LMBRD2: variants seen among roughly 807,000 people sequenced by gnomAD.
LMBRD2 encodes LMBR1 domain containing 2.
LMBRD2 carries 55 observed loss-of-function variants against 94.4 expected under a neutral mutation model. That is an observed-to-expected ratio of 0.58 (90% CI 0.47 to 0.73). The LOEUF (loss-of-function observed/expected upper bound fraction) is 0.73, where lower values mean the gene tolerates loss of function less well. Among genes scored for constraint, LMBRD2 ranks in the 30% least tolerant of loss-of-function variants. The pLI is 0.00. For missense variants in LMBRD2, 640 were observed against 831.9 expected, an observed-to-expected ratio of 0.77 and a Z score of 2.84; for synonymous variants, 246 against 272.4, an observed-to-expected ratio of 0.90 and a Z score of 0.95.
chr5:36,146,558 G>C (rs541756036), intron 1 of LMBRD2, among the ~76,000 whole-genome samples: 1 of 152,112 alleles, frequency 6.6e-6, no homozygotes, highest in African/African-American at 2.4e-5. Context: ...AATTTTTTTT[G>C]TAGAGACAGG....
chr5:36,136,488 C>T lies in LMBRD2; in HGVS notation c.568G>A (p.Ala190Thr). Residue 190 changes from alanine to threonine, a missense_variant, in exon 6 of 18, where the codon GCA becomes ACA. Physicochemically the swap from Ala to Thr is moderately conservative, Grantham distance 58. Around this residue, in one of 2 missense-constraint regions of LMBRD2, gnomAD observed 457 missense variants for 642.8 expected, o/e 0.71. Coordinates refer to ENST00000296603, the MANE Select transcript of LMBRD2 (RefSeq NM_001007527.2). ...AGAAGAAACAGACCCCATGTATTTG[C>T]AGCAGCTATCCCAATTGTCTGAAGC... The part of the protein sequence containing the change: ...NQLQTIGIAA[A>T]NTWGLFLLVL... 6.2e-7 allele frequency: 1 copy of T among 1,614,032 alleles called. No individual in the cohort carries two copies. The highest frequency in any genetic ancestry group is 1.1e-5 in the South Asian group (1 of 91,084).
Position 36,115,015 on chromosome 5 carries a change from A to G in LMBRD2, c.1542T>C (p.Ser514=), listed in dbSNP as rs759322132. 1.3e-6 allele frequency: 2 copies of G among 1,554,862 alleles called. No individual in the cohort carries two copies. Among genetic ancestry groups the G allele is most frequent in the South Asian group, 2.2e-5 (2 of 89,018 alleles). ...HKNTQPTAYT[S]IMGSMKVLSF... The stretch of plus-strand genomic sequence containing the variant: ...AATTCTATTTTCTGACCGTACTTAC[A>G]GATGTATAAGCAGTTGGTTGAGTAT... Residue 514 remains serine (S), a splice_region_variant and synonymous_variant, in exon 12 of 18, where the codon TCT becomes TCC. Transcript: ENST00000296603.
chr5:36,143,065 T>C (rs1484271668), intron 2 of LMBRD2, 111 bp downstream of exon 2: 1 of 813,370 alleles, frequency 1.2e-6, no homozygotes, highest in Non-Finnish European at 1.9e-6. Context: ...CATATAATCT[T>C]TTAATTCAAA....
rs1744045027 is a variant in LMBRD2 at position 36,127,986 on chromosome 5, C to T, written c.748-3721G>A. On this transcript the variant is annotated intron_variant, in intron 6 of 17. Transcript: ENST00000296603. ...TGATAACTTCAGGTCTAACTCAGTG[C>T]AGTCCCAGTGATGGTGACCACAGGG... Among the ~76,000 whole-genome samples, 2 of 152,300 alleles carry T rather than the reference C, an allele frequency of 1.3e-5. 1 individual carries two copies. Among genetic ancestry groups the T allele is most frequent in the South Asian group, 4.1e-4 (2 of 4,832 alleles).
chr5:36,114,183 A>G (rs1743684340), intron 13 of LMBRD2, among the ~76,000 whole-genome samples: 1 of 152,148 alleles, frequency 6.6e-6, no homozygotes, highest in South Asian at 2.1e-4. Context: ...GCCTAAATAG[A>G]ATAATGTTAA....
rs1372156238 is a variant in LMBRD2 at position 36,143,202 on chromosome 5, A to T, written c.148T>A (p.Phe50Ile). The change falls in exon 2 of 18, where the codon TTC becomes ATC. Residue 50 changes from phenylalanine (F) to isoleucine (I), a missense_variant. Physicochemically the swap from Phe to Ile is conservative, Grantham distance 21. Transcript: ENST00000296603. ...GTACTAACATCCAGAGGCAGTATGA[A>T]GACAATAAGAAAGCAGAGATACCAA... Reference protein sequence around the residue: ...LAWYLCFLIVFILPLDVSTTI... With the variant: ...LAWYLCFLIVIILPLDVSTTI... The T allele has an allele frequency of 6.2e-7, 1 of 1,611,872 alleles. No homozygotes were observed.
chr5:36,122,843 G>A lies in LMBRD2; in HGVS notation c.936+5C>T. ...AAGTAAAATACTTATAATTAACAAA[G>A]TTACCTGTTTATGCAGTTTTACCAG... On this transcript the variant is annotated splice_donor_5th_base_variant and intron_variant, in intron 8 of 17. Transcript: ENST00000296603. 1.3e-6 allele frequency: 2 copies of A among 1,588,414 alleles called. No homozygotes were observed. Among genetic ancestry groups the A allele is most frequent in the Non-Finnish European group, 1.7e-6 (2 of 1,172,058 alleles).
At chr5:36,110,714 T>G (rs1025075482) in intron 14 of LMBRD2, among the ~76,000 whole-genome samples, 6 of 152,080 alleles carry the variant, frequency 3.9e-5, no homozygotes, top group Non-Finnish European at 7.4e-5. Context: ...GTGATTTGAT[T>G]CTACTAGAGT....
intron 16 of LMBRD2, among the ~76,000 whole-genome samples, chr5:36,106,508 C>CTTTTTTTTTTTTTTTTTTTTTTTTTTTT (rs201602814): frequency 7.5e-6 from 1 of 132,868 alleles, no homozygotes; most frequent in Non-Finnish European, 1.6e-5. Flanking sequence ...TTTTTTCTTT[C>CTTTTTTTTTTTTTTTTTTTTTTTTTTTT]GTTTTTTTTT....
intron 7 of LMBRD2, 60 bp downstream of exon 7, chr5:36,124,131 T>C (rs1372953073): frequency 1.7e-5 from 16 of 956,152 alleles, no homozygotes; most frequent in African/African-American, 1.0e-4. Context: ...TCTGGTACTT[T>C]TGGTATAATA....
At chr5:36,128,424 C>G (rs1172936199) in intron 6 of LMBRD2, among the ~76,000 whole-genome samples, 1 of 152,114 alleles carries the variant, frequency 6.6e-6, no homozygotes, top group Non-Finnish European at 1.5e-5. Context: ...ACCAAATGAA[C>G]TAAATAAGGC....
chr5:36,108,740 T>A (rs777503084), intron 15 of LMBRD2, 101 bp from the exon 16 acceptor site: 2 of 465,132 alleles, frequency 4.3e-6, no homozygotes, highest in South Asian at 6.0e-5. Flanking sequence ...CAGAGATTCA[T>A]TAGTAATCAA....
chr5:36,117,971 T>G, intron 9 of LMBRD2, 55 bp from the exon 10 acceptor site: 1 of 1,311,144 alleles, frequency 7.6e-7, no homozygotes, highest in Non-Finnish European at 1.1e-6. Context: ...TAATGGGATA[T>G]TTACATTGTT....
At chr5:36,135,704 C>T (rs900083465) in intron 6 of LMBRD2, among the ~76,000 whole-genome samples, 2 of 152,104 alleles carry the variant, frequency 1.3e-5, no homozygotes, top group African/African-American at 2.4e-5. Context: ...AAATCCATAA[C>T]AAAATTTTTA....
chr5:36,137,371 C>T lies in LMBRD2; in HGVS notation c.439G>A (p.Ala147Thr), dbSNP rs1579523315. ...GFSITGKIKTALIENAIYYGT... is the reference protein window; with the variant it reads ...GFSITGKIKTTLIENAIYYGT... ...TAGTAGATTGCATTCTCAATTAGTG[C>T]AGTTTTGATCTTTCCAGTGATGGAA... The change falls in exon 5 of 18, where the codon GCA (alanine) becomes ACA (threonine). Residue 147 changes from alanine to threonine, a missense_variant. Physicochemically the swap from Ala to Thr is moderately conservative, Grantham distance 58 (BLOSUM62 0). Around this residue, in one of 2 missense-constraint regions of LMBRD2, gnomAD observed 457 missense variants for 642.8 expected, o/e 0.71. Transcript: ENST00000296603. 1.2e-6 allele frequency: 2 copies of T among 1,605,806 alleles called. No individual in the cohort carries two copies. Among genetic ancestry groups the T allele is most frequent in the Non-Finnish European group, 1.7e-6 (2 of 1,174,188 alleles).
chr5:36,150,355 G>A (rs185790185), intron 1 of LMBRD2, among the ~76,000 whole-genome samples: 57 of 152,254 alleles, frequency 3.7e-4, no homozygotes, highest in African/African-American at 1.3e-3. Context: ...CTATCTATGA[G>A]ATCTATATCT....
chr5:36,136,171 C>T (rs1579522093), intron 6 of LMBRD2, 138 bp downstream of exon 6: 1 of 761,868 alleles, frequency 1.3e-6, no homozygotes, highest in Non-Finnish European at 2.3e-6. Context: ...CTGGATGAGA[C>T]ATCCTGAAGG....
intron 7 of LMBRD2, among the ~76,000 whole-genome samples, chr5:36,123,588 G>T (rs1366853138): frequency 6.6e-6 from 1 of 151,834 alleles, no homozygotes; most frequent in Admixed American, 6.6e-5. Flanking sequence ...GGTTCTGTGG[G>T]TTTAAAAGAC....
chr5:36,111,856 A>G (rs1743615149), intron 13 of LMBRD2, among the ~76,000 whole-genome samples: 2 of 152,136 alleles, frequency 1.3e-5, no homozygotes. Flanking sequence ...AGAGATAAAT[A>G]TCACTTTACA....
Sources: allele counts gnomAD v4.1 joint callset (sites outside exome capture counted in the v4.1 genomes callset), GRCh38; gene constraint gnomAD v4.1.1; regional missense constraint gnomAD v4.1.1; transcripts MANE v1.5; gene names NCBI Gene and HGNC (gene_info 2026-07-23, HGNC 2026-07-21).